The following TNRC6A variants were observed in gnomAD, a reference collection of about 807,000 sequenced individuals.
TNRC6A encodes trinucleotide repeat-containing gene 6A protein.
Under a neutral mutation model 221.2 loss-of-function variants are expected in TNRC6A, and 44 were observed. The observed-to-expected ratio is 0.20, with a 90% confidence interval of 0.16 to 0.26. The LOEUF is 0.26. Among genes scored for constraint, TNRC6A ranks in the 10% least tolerant of loss-of-function variants. The pLI is 1.00. For synonymous variants in TNRC6A, 847 were observed against 838.5 expected, an observed-to-expected ratio of 1.01 and a Z score of -0.18; for missense variants, 2,199 against 2,404.4, an observed-to-expected ratio of 0.91 and a Z score of 1.79.
intron 1 of TNRC6A, among the ~76,000 whole-genome samples, chr16:24,614,631 T>C (rs1358248768): frequency 6.6e-6 from 1 of 152,184 alleles, no homozygotes; most frequent in East Asian, 1.9e-4. Context: ...TTGGAGTCTT[T>C]TGAGATTGTT....
At chr16:24,664,769 T>TCACACACACACACA (rs149786252) in intron 2 of TNRC6A, 298 of 301,634 alleles carry the variant, frequency 9.9e-4, no homozygotes, top group Non-Finnish European at 1.6e-3. Context: ...AATCCCCAAA[T>TCACACACACACACA]CACACACACA....
chr16:24,807,547 T>C (rs568689386), intron 17 of TNRC6A, among the ~76,000 whole-genome samples: 5 of 152,298 alleles, frequency 3.3e-5, no homozygotes, highest in African/African-American at 9.6e-5. Flanking sequence ...AAGTTTTAAC[T>C]ACTGTCTAAC....
chr16:24,824,126 A>ACCAC lies in TNRC6A; in HGVS notation c.*321_*322insACCC, dbSNP rs2058826378. On this transcript the variant is annotated 3_prime_UTR_variant, in exon 25 of 25. Transcript: ENST00000395799. ...TTTTTTTTCCTTCTATTCCTCCCCA[A>ACCAC]CCCCCCCCCCCGCCCCTTTTTTTCT... is the stretch of plus-strand genomic sequence containing the variant. 3.8e-5 allele frequency: 1 copy of ACCAC among 26,006 alleles called. No individual in the cohort carries two copies. Among genetic ancestry groups the ACCAC allele is most frequent in the African/African-American group, 1.4e-4 (1 of 7,266 alleles). 1.6% of individuals were successfully genotyped at this position (26,006 alleles called of 1,614,324 possible). A position where few individuals can be genotyped will look rare whatever the true frequency, so the allele number is the denominator to read the frequency against.
intron 15 of TNRC6A, 84 bp downstream of exon 15, chr16:24,805,817 T>C: frequency 6.4e-7 from 1 of 1,558,500 alleles, no homozygotes. Context: ...CGGGACATAG[T>C]GCACTAAACA....
At chr16:24,637,141 T>C (rs1353515959) in intron 1 of TNRC6A, among the ~76,000 whole-genome samples, 2 of 152,136 alleles carry the variant, frequency 1.3e-5, no homozygotes, top group African/African-American at 4.8e-5. Context: ...CAGGTGATCC[T>C]CCCGTCTCAG....
intron 2 of TNRC6A, among the ~76,000 whole-genome samples, chr16:24,702,182 C>CTTTT (rs371770211): frequency 5.9e-5 from 7 of 119,378 alleles, no homozygotes; most frequent in East Asian, 2.2e-4. Context: ...TTTCTTTTTT[C>CTTTT]TTTTTTTTTT....
intron 2 of TNRC6A, among the ~76,000 whole-genome samples, chr16:24,691,343 A>G (rs1018802938): frequency 1.3e-5 from 2 of 152,194 alleles, no homozygotes; most frequent in African/African-American, 2.4e-5. Flanking sequence ...TTGGCTTTTC[A>G]GAGTGCTGGG....
chr16:24,666,081 C>A (rs537724363), intron 2 of TNRC6A, among the ~76,000 whole-genome samples: 12 of 152,050 alleles, frequency 7.9e-5, no homozygotes, highest in Non-Finnish European at 1.6e-4. Flanking sequence ...AATCTCAGCA[C>A]TTTGGGAGGC....
chr16:24,675,272 A>G (rs1480120436), intron 2 of TNRC6A, among the ~76,000 whole-genome samples: 1 of 152,230 alleles, frequency 6.6e-6, no homozygotes, highest in Non-Finnish European at 1.5e-5. Context: ...ATGAATTGCA[A>G]GAGAAGTACA....
chr16:24,755,618 A>G (rs1332973552), intron 3 of TNRC6A, among the ~76,000 whole-genome samples: 1 of 152,228 alleles, frequency 6.6e-6, no homozygotes, highest in Non-Finnish European at 1.5e-5. Context: ...AGAGCCAGGT[A>G]GGCAGTCAGG....
At chr16:24,644,580 C>T (rs1171420481) in intron 2 of TNRC6A, among the ~76,000 whole-genome samples, 1 of 152,090 alleles carries the variant, frequency 6.6e-6, no homozygotes, top group Non-Finnish European at 1.5e-5. Flanking sequence ...AGGTTCATGA[C>T]ACTACACCAG....
At chr16:24,758,845 T>A (rs1172796108) in intron 4 of TNRC6A, among the ~76,000 whole-genome samples, 1 of 151,994 alleles carries the variant, frequency 6.6e-6, no homozygotes, top group Non-Finnish European at 1.5e-5. Context: ...CCTTACACAT[T>A]GTGTCAGGTT....
rs569960350 is a variant in TNRC6A, at chr16:24,649,902, C to A, written n.402+8893C>A. Among the ~76,000 whole-genome samples the A allele has an allele frequency of 4.3e-5, 6 of 139,598 alleles. No homozygotes were observed. In the Admixed American group the frequency reaches 4.7e-4, roughly 11 times the overall value. 91.6% of individuals were successfully genotyped at this position (139,598 alleles called of 152,430 possible). A position where few individuals can be genotyped will look rare whatever the true frequency, so the allele number is the denominator to read the frequency against. ...ACAGTGGCACAATTTTGGTTCACTG[C>A]AAACTTCACCTCCTGGGTTCAAGTG... is the stretch of plus-strand genomic sequence containing the variant. On this transcript the variant is annotated intron_variant and non_coding_transcript_variant, in intron 2 of 2. Coordinates refer to the TNRC6A transcript ENST00000566108.
chr16:24,710,213 G>A (rs1191572102), intron 2 of TNRC6A, among the ~76,000 whole-genome samples: 12 of 144,232 alleles, frequency 8.3e-5, no homozygotes, highest in African/African-American at 2.9e-4. Context: ...CAACAAGAGC[G>A]GAACTTCATC....
chr16:24,806,325 A>G, intron 16 of TNRC6A, 42 bp downstream of exon 16: 2 of 1,605,496 alleles, frequency 1.2e-6, no homozygotes, highest in South Asian at 2.2e-5. Flanking sequence ...CTTTGTGTTA[A>G]TAAACTCTGC....
intron 1 of TNRC6A, among the ~76,000 whole-genome samples, chr16:24,633,581 G>A (rs1334567743): frequency 1.3e-5 from 2 of 152,004 alleles, no homozygotes; most frequent in Non-Finnish European, 2.9e-5. Context: ...TGTTAGTAGA[G>A]TTGGGGTTTC....
chr16:24,666,344 G>T (rs911996981), intron 2 of TNRC6A, among the ~76,000 whole-genome samples: 1 of 151,598 alleles, frequency 6.6e-6, no homozygotes, highest in Non-Finnish European at 1.5e-5. Flanking sequence ...GTGGTGGCAG[G>T]TGCCTGTAGT....
At chr16:24,666,795 G>T (rs1439073577) in intron 2 of TNRC6A, among the ~76,000 whole-genome samples, 2 of 150,462 alleles carry the variant, frequency 1.3e-5, no homozygotes, top group African/African-American at 4.9e-5. Flanking sequence ...CTAACCGAAG[G>T]CACTCCAAAA....
intron 5 of TNRC6A, among the ~76,000 whole-genome samples, chr16:24,787,201 A>G (rs2057992721): frequency 6.6e-6 from 1 of 152,234 alleles, no homozygotes; most frequent in South Asian, 2.1e-4. Flanking sequence ...AAAATTAACA[A>G]AAGAACCAGG....
Sources: gnomAD v4.1 joint callset for allele counts (sites outside exome capture counted in the v4.1 genomes callset) on GRCh38, gnomAD v4.1.1 for gene constraint, MANE v1.5 for transcripts, NCBI Gene and HGNC (gene_info 2026-07-23, HGNC 2026-07-21) for gene names.